The following DGLUCY variants were observed in gnomAD, a reference collection of about 807,000 sequenced individuals.
DGLUCY encodes the protein D-glutamate cyclase, mitochondrial.
A neutral mutation model predicts 58.5 loss-of-function variants in DGLUCY; 58 were observed. The observed-to-expected ratio is 0.99, with a 90% confidence interval of 0.80 to 1.23. The LOEUF (loss-of-function observed/expected upper bound fraction) is 1.23, where lower values mean the gene tolerates loss of function less well. Ranked by LOEUF, DGLUCY falls within the 50% of genes most tolerant of loss-of-function variation. The pLI is 0.00. For missense variants in DGLUCY, 779 were observed against 784.7 expected (o/e 0.99, Z 0.09); for synonymous variants, 325 against 314.1 (o/e 1.03, Z -0.37).
chr14:91,163,512 A>G (rs1286914024), intron 3 of DGLUCY, among the ~76,000 whole-genome samples: 1 of 152,172 alleles, frequency 6.6e-6, no homozygotes, highest in African/African-American at 2.4e-5. Context: ...AGCGACTGTG[A>G]TAATGAGCTC....
At chr14:91,089,869 A>G in intron 1 of DGLUCY, among the ~76,000 whole-genome samples, 1 of 152,158 alleles carries the variant, frequency 6.6e-6, no homozygotes, top group Non-Finnish European at 1.5e-5. Flanking sequence ...ACCCACAAAA[A>G]TTAAAAATAA....
rs111868616 is a variant in DGLUCY, at chr14:91,188,936, T to C, written c.961T>C (p.Cys321Arg). The C allele has an allele frequency of 7.4e-6, 12 of 1,614,202 alleles. No individual in the cohort carries two copies. The African/African-American group carries it at 1.5e-4, about 20-fold the overall frequency. ...PGNRGIGHLL[C>R]KDELLKASLS... ...GAACCGGGGGATTGGGCACCTGCTCTGTAAAGATGAGCTGCTGAAGGCCTC... is the reference window on the plus strand; with the variant it reads ...GAACCGGGGGATTGGGCACCTGCTCCGTAAAGATGAGCTGCTGAAGGCCTC... Residue 321 changes from cysteine to arginine, a missense_variant, in exon 9 of 14, where the codon TGT becomes CGT. Cys to Arg is a radical substitution (Grantham distance 180, BLOSUM62 -3). Coordinates refer to ENST00000256324, the MANE Select transcript of DGLUCY (RefSeq NM_001102368.3).
intron 9 of DGLUCY, among the ~76,000 whole-genome samples, chr14:91,190,895 G>A (rs2049843353): frequency 6.6e-6 from 1 of 152,174 alleles, no homozygotes; most frequent in South Asian, 2.1e-4. Flanking sequence ...AGACAAGGGT[G>A]GAAACGGGAG....
chr14:91,160,443 A>T lies in DGLUCY; in HGVS notation c.103+46A>T. The T allele has an allele frequency of 3.8e-6, 5 of 1,312,280 alleles. 1 individual carries two copies. The highest frequency in any genetic ancestry group is 4.2e-6 in the Non-Finnish European group (4 of 963,176). 81.3% of individuals were successfully genotyped at this position (1,312,280 alleles called of 1,614,324 possible). A position where few individuals can be genotyped will look rare whatever the true frequency, so the allele number is the denominator to read the frequency against. Reference sequence around the variant, plus strand: ...AAAAAAAAAAAAAAAAAAAAAAAAGAAAGTTCCTGGGAATTACCAGCTGTG... The same window carrying T: ...AAAAAAAAAAAAAAAAAAAAAAAAGTAAGTTCCTGGGAATTACCAGCTGTG... On this transcript the variant is annotated intron_variant, in intron 3 of 13. Transcript: ENST00000256324.
intron 4 of DGLUCY, 43 bp from the exon 5 acceptor site, chr14:91,169,960 G>A (rs985155844): frequency 7.6e-6 from 12 of 1,580,078 alleles, no homozygotes; most frequent in Non-Finnish European, 1.0e-5. Context: ...AGGGGCCACA[G>A]TGAGAGTCTG....
chr14:91,194,261 AG>A (rs2140532746), intron 9 of DGLUCY, among the ~76,000 whole-genome samples: 1 of 152,222 alleles, frequency 6.6e-6, no homozygotes, highest in East Asian at 1.9e-4. Context: ...AGCTTGCCCA[AG>A]GTCACATAGC....
rs35804477 is a variant in DGLUCY, at chr14:91,157,267, G to GTGGATGGATGGATGGATGGGTGGA, written c.-81-357_-81-356insATGGGTGGATGGATGGATGGATGG. The stretch of plus-strand genomic sequence containing the variant: ...GATGGATGGATGGATGAATGAATGG[G>GTGGATGGATGGATGGATGGGTGGA]TGGATGGATGGATGGGTGGGTGGAT... On this transcript the variant is annotated intron_variant, in intron 1 of 13. Coordinates refer to ENST00000256324, the MANE Select transcript of DGLUCY (RefSeq NM_001102368.3). 6.6e-3 allele frequency among the ~76,000 whole-genome samples: 937 copies of GTGGATGGATGGATGGATGGGTGGA among 141,708 alleles called. 21 individuals are homozygous for GTGGATGGATGGATGGATGGGTGGA. The highest frequency in any genetic ancestry group is 7.9e-3 in the Non-Finnish European group (507 of 64,178). The allele number at this position is 141,708 out of a possible 152,430, so 93.0% of individuals were successfully genotyped here.
chr14:91,224,687 GA>G lies in DGLUCY; in HGVS notation c.1726del (p.Met576CysfsTer34). ...TTTCTGCCCTATTTTTTTCCAGGAA[GA>G]AAAAATGCTGGGCATCTTGGTGCAG... ...TQALPSVIKE[E>X]KMLGILVQHK... On this transcript the variant is annotated frameshift_variant, in exon 14 of 14. Coordinates refer to ENST00000256324, the MANE Select transcript of DGLUCY (RefSeq NM_001102368.3). LOFTEE classifies it low-confidence loss of function (END_TRUNC). 6.3e-7 allele frequency: 1 copy of G among 1,587,666 alleles called. No individual in the cohort carries two copies. The highest frequency in any genetic ancestry group is 8.6e-7 in the Non-Finnish European group (1 of 1,161,624).
At chr14:91,109,921 G>A (rs1324379561), upstream of DGLUCY, among the ~76,000 whole-genome samples, 1 of 152,160 alleles carries the variant, frequency 6.6e-6, no homozygotes, top group East Asian at 1.9e-4. Flanking sequence ...AACCTCTTTG[G>A]GAAAAACATC....
intron 11 of DGLUCY, among the ~76,000 whole-genome samples, chr14:91,204,175 T>G (rs1017501272): frequency 3.3e-5 from 5 of 152,266 alleles, no homozygotes; most frequent in African/African-American, 9.6e-5. Context: ...CTATGTAGCC[T>G]CTTTCAAATG....
intron 3 of DGLUCY, among the ~76,000 whole-genome samples, chr14:91,163,977 T>A (rs2048132710): frequency 6.6e-6 from 1 of 152,156 alleles, no homozygotes; most frequent in African/African-American, 2.4e-5. Flanking sequence ...TGAGACAGAT[T>A]CTTGCTCTGT....
At chr14:91,123,075 A>G (rs1168908779) in intron 1 of DGLUCY, among the ~76,000 whole-genome samples, 1 of 152,114 alleles carries the variant, frequency 6.6e-6, no homozygotes, top group African/African-American at 2.4e-5. Flanking sequence ...GACAATCAAG[A>G]GTTGCTCGCT....
intron 1 of DGLUCY, among the ~76,000 whole-genome samples, chr14:91,091,778 C>T (rs2044315933): frequency 6.6e-6 from 1 of 152,110 alleles, no homozygotes; most frequent in African/African-American, 2.4e-5. Context: ...TATGGAGTCC[C>T]TTTAATGACT....
In DGLUCY at chr14:91,135,653, T is replaced by TAAAA. The variant is rs60532081; in HGVS notation, c.-82+21388_-82+21391dup. 5.3e-3 allele frequency among the ~76,000 whole-genome samples: 529 copies of TAAAA among 100,226 alleles called. 13 individuals are homozygous for TAAAA. Among genetic ancestry groups the TAAAA allele is most frequent in the South Asian group, 0.052 (135 of 2,588 alleles). The allele number at this position is 100,226 out of a possible 152,430, so 65.8% of individuals were successfully genotyped here. A position where few individuals can be genotyped will look rare whatever the true frequency, so the allele number is the denominator to read the frequency against. On this transcript the variant is annotated intron_variant, in intron 1 of 13. Transcript: ENST00000256324. ...CAACAAGAGTGAAACTCTGCCTCAT[T>TAAAA]AAAAAAAAAAAAAAAAAAAAACAAG...
upstream of DGLUCY, among the ~76,000 whole-genome samples, chr14:91,104,934 C>G (rs910213553): frequency 6.0e-4 from 91 of 152,224 alleles, no homozygotes; most frequent in African/African-American, 2.2e-3. Flanking sequence ...GTTGTGATAA[C>G]TGAATGAGGA....
chr14:91,102,738 T>A (rs115599895), intron 1 of DGLUCY, among the ~76,000 whole-genome samples: 2,097 of 139,242 alleles, frequency 0.015, 62 homozygotes, highest in African/African-American at 0.055. Flanking sequence ...CCCCTTCCAG[T>A]GTGTATGTGT....
chr14:91,101,448 C>T (rs1033318591), intron 1 of DGLUCY, among the ~76,000 whole-genome samples: 3 of 152,192 alleles, frequency 2.0e-5, no homozygotes, highest in East Asian at 1.9e-4. Context: ...CACCTCTTGG[C>T]GATAGCCTGG....
intron 1 of DGLUCY, among the ~76,000 whole-genome samples, chr14:91,086,355 C>A (rs550843768): frequency 2.0e-5 from 3 of 152,156 alleles, no homozygotes; most frequent in Admixed American, 2.0e-4. Context: ...AATGGTCTTC[C>A]GTGAAACTTG....
chr14:91,158,255 G>A (rs1238648607), intron 2 of DGLUCY, among the ~76,000 whole-genome samples: 1 of 152,202 alleles, frequency 6.6e-6, no homozygotes, highest in Non-Finnish European at 1.5e-5. Context: ...TGCCAAAGCA[G>A]CTGCTTTAAG....
Sources: gnomAD v4.1 joint callset for allele counts (sites outside exome capture counted in the v4.1 genomes callset) on GRCh38, gnomAD v4.1.1 for gene constraint, MANE v1.5 for transcripts, NCBI Gene and HGNC (gene_info 2026-07-23, HGNC 2026-07-21) for gene names.